Variants in CACNA2D3 observed in about 807,000 individuals in gnomAD.
CACNA2D3 encodes the protein voltage-dependent calcium channel subunit alpha-2/delta-3.
In CACNA2D3, 60 loss-of-function variants were observed where a neutral mutation model predicts 160.6. That is an observed-to-expected ratio of 0.37 (90% CI 0.30 to 0.46). The LOEUF (loss-of-function observed/expected upper bound fraction) is 0.46, where lower values mean the gene tolerates loss of function less well. Among genes scored for constraint, CACNA2D3 ranks in the 20% least tolerant of loss-of-function variants. The pLI is 1.00. For missense variants in CACNA2D3, 1,205 were observed against 1,365.0 expected (o/e 0.88, Z 1.85); for synonymous variants, 558 against 492.9 (o/e 1.13, Z -1.75).
chr3:54,918,707 C>A, intron 27 of CACNA2D3: 1 of 1,614,170 alleles, frequency 6.2e-7, no homozygotes, highest in Non-Finnish European at 8.5e-7. Context: ...TCTCGCTCCC[C>A]CGCGTTGTGG....
intron 2 of CACNA2D3, among the ~76,000 whole-genome samples, chr3:54,146,197 G>T (rs536235820): frequency 1.3e-5 from 2 of 152,158 alleles, no homozygotes; most frequent in African/African-American, 2.4e-5. Flanking sequence ...CCTAAGCCCT[G>T]TATGCAGTAC....
intron 2 of CACNA2D3, among the ~76,000 whole-genome samples, chr3:54,175,404 C>T (rs963221556): frequency 2.6e-5 from 4 of 151,830 alleles, no homozygotes; most frequent in African/African-American, 9.7e-5. Flanking sequence ...GTCATGAGAT[C>T]AGGAGATGGA....
chr3:54,165,899 A>T (rs1441428976), intron 2 of CACNA2D3, among the ~76,000 whole-genome samples: 1 of 152,138 alleles, frequency 6.6e-6, no homozygotes, highest in African/African-American at 2.4e-5. Context: ...ATACCATGGG[A>T]TGGTATAGAG....
In CACNA2D3 at chr3:54,284,417, T is replaced by A. The variant is rs182258880; in HGVS notation, c.205-36025T>A. Among the ~76,000 whole-genome samples, 601 of 152,092 alleles carry A rather than the reference T, an allele frequency of 4.0e-3. 8 individuals are homozygous for A. Among genetic ancestry groups the A allele is most frequent in the African/African-American group, 0.013 (558 of 41,544 alleles). On this transcript the variant is annotated intron_variant, in intron 2 of 37. Coordinates refer to ENST00000474759, the MANE Select transcript of CACNA2D3 (RefSeq NM_018398.3). Reference sequence around the variant, plus strand: ...ATTATATATTTTAGCTTTGTATTTGTTATATTGACAAATATACCACAATAA... The same window carrying A: ...ATTATATATTTTAGCTTTGTATTTGATATATTGACAAATATACCACAATAA...
chr3:54,471,053 A>G (rs1482661077), intron 4 of CACNA2D3, among the ~76,000 whole-genome samples: 1 of 152,236 alleles, frequency 6.6e-6, no homozygotes, highest in African/African-American at 2.4e-5. Flanking sequence ...TTCTGGAACA[A>G]GCAGACCTAA....
chr3:54,806,563 C>T (rs888999463), intron 13 of CACNA2D3, among the ~76,000 whole-genome samples: 26 of 151,946 alleles, frequency 1.7e-4, no homozygotes, highest in Admixed American at 1.6e-3. Context: ...AGGATACAAA[C>T]AAATGGAAGA....
At chr3:54,942,791 G>A (rs1386105873) in intron 27 of CACNA2D3, among the ~76,000 whole-genome samples, 6 of 152,092 alleles carry the variant, frequency 3.9e-5, no homozygotes, top group Admixed American at 3.3e-4. Flanking sequence ...TTGGGAGGCC[G>A]AGGCGGGTGG....
chr3:54,689,623 C>T (rs947520908), intron 11 of CACNA2D3, among the ~76,000 whole-genome samples: 8 of 152,090 alleles, frequency 5.3e-5, no homozygotes. Context: ...CTGCACAGAT[C>T]AGCAGCTTGA....
At chr3:55,000,947 G>A (rs142200984) in intron 31 of CACNA2D3, among the ~76,000 whole-genome samples, 6 of 152,248 alleles carry the variant, frequency 3.9e-5, no homozygotes, top group Non-Finnish European at 8.8e-5. Flanking sequence ...ATTCAGCTTG[G>A]CCCCCTACTA....
intron 11 of CACNA2D3, among the ~76,000 whole-genome samples, chr3:54,723,662 C>T (rs968580014): frequency 6.6e-6 from 1 of 152,210 alleles, no homozygotes; most frequent in African/African-American, 2.4e-5. Context: ...CTTGCACTTC[C>T]AGGGTGAGGT....
chr3:54,738,456 G>A (rs1701575904), intron 11 of CACNA2D3, among the ~76,000 whole-genome samples: 1 of 152,180 alleles, frequency 6.6e-6, no homozygotes, highest in Non-Finnish European at 1.5e-5. Context: ...CTCAGTTCCA[G>A]CACATGGTAT....
chr3:54,160,692 C>T (rs1035358453), intron 2 of CACNA2D3, among the ~76,000 whole-genome samples: 2 of 152,154 alleles, frequency 1.3e-5, no homozygotes, highest in African/African-American at 4.8e-5. Context: ...GGGAAGACCT[C>T]TCTCCAATTT....
intron 4 of CACNA2D3, among the ~76,000 whole-genome samples, chr3:54,449,212 A>G (rs1700267310): frequency 1.3e-5 from 2 of 152,216 alleles, no homozygotes; most frequent in South Asian, 4.1e-4. Context: ...GAATGGACAA[A>G]CCACAAGAGA....
chr3:54,383,982 A>G (rs192330774), intron 3 of CACNA2D3, among the ~76,000 whole-genome samples: 34 of 152,346 alleles, frequency 2.2e-4, no homozygotes, highest in South Asian at 2.1e-4. Flanking sequence ...ATACATATAC[A>G]TACACACATA....
At chr3:54,622,067 C>G (rs928842752) in intron 9 of CACNA2D3, among the ~76,000 whole-genome samples, 6 of 152,106 alleles carry the variant, frequency 3.9e-5, no homozygotes, top group Admixed American at 3.9e-4. Context: ...GGGCGAATGT[C>G]AGAACAGGAA....
intron 27 of CACNA2D3, among the ~76,000 whole-genome samples, chr3:54,958,154 A>G (rs933964758): frequency 3.3e-5 from 5 of 152,244 alleles, no homozygotes; most frequent in African/African-American, 4.8e-5. Flanking sequence ...AATAAATAAT[A>G]TAAAATGTCA....
intron 35 of CACNA2D3, among the ~76,000 whole-genome samples, chr3:55,061,553 A>G (rs1704505518): frequency 6.6e-6 from 1 of 152,228 alleles, no homozygotes; most frequent in Non-Finnish European, 1.5e-5. Flanking sequence ...AAAAGTTGAG[A>G]TGTAAGCTTC....
At position 54,418,177 on chromosome 3, in the gene CACNA2D3, G is replaced by A. The variant is rs79637153; in HGVS notation, c.381+31403G>A. On this transcript the variant is annotated intron_variant, in intron 4 of 37. Coordinates refer to ENST00000474759, the MANE Select transcript of CACNA2D3 (RefSeq NM_018398.3). ...CCGTAATGCCTGTTTTACTCTAGACGTTAGTTTGCTGTCTAGTTGAAGATA... is the reference window on the plus strand; with the variant it reads ...CCGTAATGCCTGTTTTACTCTAGACATTAGTTTGCTGTCTAGTTGAAGATA... 3.3e-3 allele frequency among the ~76,000 whole-genome samples: 499 copies of A among 152,252 alleles called. 19 individuals carry two copies. The East Asian group carries it at 0.071, about 22-fold the overall frequency.
chr3:54,774,188 G>A (rs952007191), intron 13 of CACNA2D3, among the ~76,000 whole-genome samples: 3 of 152,178 alleles, frequency 2.0e-5, no homozygotes, highest in Non-Finnish European at 2.9e-5. Flanking sequence ...ACTAGATTCA[G>A]GGGTTGTATT....
Sources: gnomAD v4.1 joint callset for allele counts (sites outside exome capture counted in the v4.1 genomes callset) on GRCh38, gnomAD v4.1.1 for gene constraint, MANE v1.5 for transcripts, NCBI Gene and HGNC (gene_info 2026-07-23, HGNC 2026-07-21) for gene names.